FSAF1: variants seen among roughly 807,000 people sequenced by gnomAD.
FSAF1 encodes 40S small subunit processome assembly factor 1, also known as uncharacterized protein C1orf131.
the FSAF1 span, among the ~76,000 whole-genome samples, chr1:231,230,939 G>A: frequency 0.038 from 5,849 of 152,324 alleles, 184 homozygotes; most frequent in Middle Eastern, 0.088. Flanking sequence ...ACCATCAGCA[G>A]CATCATGGGC....
At chr1:231,224,370 C>T in the FSAF1 span, 12 of 1,612,360 alleles carry the variant, frequency 7.4e-6, no homozygotes, top group African/African-American at 4.0e-5. Context: ...CTGTCCAATC[C>T]GTCCATTTGA....
the FSAF1 span, among the ~76,000 whole-genome samples, chr1:231,232,211 T>TC: frequency 6.6e-6 from 1 of 152,146 alleles, no homozygotes; most frequent in South Asian, 2.1e-4. Context: ...CGGTTTTCTT[T>TC]CCCCCCATAT....
At chr1:231,224,572 T>C in the FSAF1 span, 1 of 649,710 alleles carries the variant, frequency 1.5e-6, no homozygotes, top group South Asian at 2.3e-5. Context: ...CCCTGAAACA[T>C]GCTACTGCCT....
the FSAF1 span, chr1:231,237,543 G>C: frequency 2.0e-5 from 3 of 152,282 alleles, no homozygotes; most frequent in Non-Finnish European, 4.4e-5. Context: ...ACCACATTAA[G>C]ACGGAGGCAG....
the FSAF1 span, chr1:231,229,276 G>C: frequency 8.8e-7 from 1 of 1,135,650 alleles, no homozygotes; most frequent in Middle Eastern, 2.6e-4. Context: ...CACCGAAAGA[G>C]TAGACATGTT....
At chr1:231,234,420 T>G in the FSAF1 span, among the ~76,000 whole-genome samples, 1 of 152,186 alleles carries the variant, frequency 6.6e-6, no homozygotes, top group African/African-American at 2.4e-5. This position sits in a 1 kb window ranked among gnomAD's most constrained non-coding sequence, Gnocchi z 4.0. Context: ...CTTAAAAGCA[T>G]AAGAATTTTC....
the FSAF1 span, among the ~76,000 whole-genome samples, chr1:231,227,591 T>TG: frequency 6.9e-6 from 1 of 144,806 alleles, no homozygotes; most frequent in African/African-American, 2.6e-5. Flanking sequence ...CACGGTTTTT[T>TG]TTTTTTTTTT....
the FSAF1 span, among the ~76,000 whole-genome samples, chr1:231,232,262 G>T: frequency 1.3e-5 from 2 of 151,986 alleles, no homozygotes; most frequent in Non-Finnish European, 2.9e-5. Flanking sequence ...GGCAATACTG[G>T]GTCCTCCACT....
the FSAF1 span, chr1:231,239,318 CTA>C: frequency 2.7e-6 from 2 of 735,402 alleles, no homozygotes; most frequent in Non-Finnish European, 4.0e-6. Context: ...AAGAAATAAA[CTA>C]TTTGTTTTCT....
the FSAF1 span, chr1:231,236,561 C>T: frequency 6.6e-6 from 1 of 152,132 alleles, no homozygotes; most frequent in Non-Finnish European, 1.5e-5. Context: ...TATTATTAAG[C>T]AACAGGGAAA....
chr1:231,227,910 C>G, the FSAF1 span, among the ~76,000 whole-genome samples: 1 of 152,136 alleles, frequency 6.6e-6, no homozygotes, highest in African/African-American at 2.4e-5. Context: ...TTAACTTGAA[C>G]AGCTGATACA....
At chr1:231,239,165 G>A in the FSAF1 span, 1 of 1,581,202 alleles carries the variant, frequency 6.3e-7, no homozygotes, top group Non-Finnish European at 8.6e-7. Flanking sequence ...ATCTTCTTCT[G>A]TTCTGTTTCA....
the FSAF1 span, chr1:231,226,654 A>C: frequency 5.6e-5 from 71 of 1,260,150 alleles, 1 homozygote; most frequent in Non-Finnish European, 7.8e-5. Flanking sequence ...ATTGCTCTCC[A>C]AGCAGCGGCT....
chr1:231,231,614 C>T, the FSAF1 span, among the ~76,000 whole-genome samples: 3 of 151,954 alleles, frequency 2.0e-5, no homozygotes, highest in African/African-American at 7.3e-5. Context: ...TGTTTTTGGC[C>T]GATCTGTTAC....
At chr1:231,233,047 C>T in the FSAF1 span, among the ~76,000 whole-genome samples, 1 of 152,134 alleles carries the variant, frequency 6.6e-6, no homozygotes, top group Non-Finnish European at 1.5e-5. Context: ...GGAAGTCTGG[C>T]GTAAAAGTAA....
the FSAF1 span, among the ~76,000 whole-genome samples, chr1:231,231,108 C>T: frequency 6.6e-6 from 1 of 152,196 alleles, no homozygotes; most frequent in Non-Finnish European, 1.5e-5. Flanking sequence ...ACTTCATCTT[C>T]CTTCCTGGCT....
the FSAF1 span, chr1:231,229,270 G>C: frequency 2.6e-6 from 3 of 1,163,466 alleles, no homozygotes; most frequent in Admixed American, 2.1e-5. Flanking sequence ...ATCTATCACC[G>C]AAAGAGTAGA....
At chr1:231,231,238 G>A in the FSAF1 span, among the ~76,000 whole-genome samples, 1 of 152,186 alleles carries the variant, frequency 6.6e-6, no homozygotes, top group Non-Finnish European at 1.5e-5. Flanking sequence ...ACACCAGAAA[G>A]AGTCTTATTC....
At chr1:231,226,837 GAACAAAGA>G in the FSAF1 span, 3 of 1,598,354 alleles carry the variant, frequency 1.9e-6, no homozygotes, top group African/African-American at 1.3e-5. Context: ...TGTAATGAAA[GAACAAAGA>G]AACAAACCAT....
Sources: gnomAD v4.1 joint callset for allele counts (sites outside exome capture counted in the v4.1 genomes callset) on GRCh38, gnomAD v4.1.1 for gene constraint, Gnocchi (gnomAD v3.1) non-coding constraint, MANE v1.5 for transcripts, NCBI Gene and HGNC (gene_info 2026-07-23, HGNC 2026-07-21) for gene names.